Variants in EGFR observed in about 807,000 individuals in gnomAD.
EGFR encodes the protein avian erythroblastic leukemia viral (v-erb-b) oncogene homolog.
EGFR carries 58 observed loss-of-function variants against 143.0 expected under a neutral mutation model. The ratio of observed to expected loss-of-function variants is 0.41; its 90% CI spans 0.33 to 0.50. The LOEUF is 0.50. EGFR is among the 20% of genes least tolerant of loss of function. The pLI is 0.39. For synonymous variants in EGFR, 613 were observed against 594.4 expected, an observed-to-expected ratio of 1.03 and a Z score of -0.45; for missense variants, 1,307 against 1,579.0, an observed-to-expected ratio of 0.83 and a Z score of 2.92.
intron 8 of EGFR, among the ~76,000 whole-genome samples, 186 bp downstream of exon 8, chr7:55,156,132 C>T (rs886374372): frequency 6.6e-6 from 1 of 152,182 alleles, no homozygotes; most frequent in South Asian, 2.1e-4. Flanking sequence ...AAGGTTGTGA[C>T]GGGGTGGGGG....
At chr7:55,036,683 A>G (rs1174983268) in intron 1 of EGFR, among the ~76,000 whole-genome samples, 2 of 152,158 alleles carry the variant, frequency 1.3e-5, no homozygotes, top group Non-Finnish European at 1.5e-5. Flanking sequence ...TAACTAGCTA[A>G]AAGATCTCTT....
chr7:55,127,664 G>C (rs1793608744), intron 1 of EGFR, among the ~76,000 whole-genome samples: 1 of 152,140 alleles, frequency 6.6e-6, no homozygotes, highest in South Asian at 2.1e-4. Flanking sequence ...AATCCTTTCT[G>C]CCGCCAACAC....
intron 1 of EGFR, among the ~76,000 whole-genome samples, chr7:55,085,980 C>T (rs1416080130): frequency 6.6e-6 from 1 of 152,168 alleles, no homozygotes; most frequent in Admixed American, 6.5e-5. Context: ...ATCCCCACCC[C>T]CTAGAAGCCC....
At position 55,125,986 on chromosome 7, in the gene EGFR, G is replaced by A. The variant is rs141245011; in HGVS notation, c.89-16300G>A. Among the ~76,000 whole-genome samples, 795 of 152,242 alleles carry A rather than the reference G, an allele frequency of 5.2e-3. 4 individuals carry two copies. The highest frequency in any genetic ancestry group is 9.3e-3 in the Admixed American group (143 of 15,304). Reference sequence around the variant, plus strand: ...CACACTCTCAGCTTCATCTCTGCTAGGCTCTGTTCAGCCAGGCAGCCTTTC... The same window carrying A: ...CACACTCTCAGCTTCATCTCTGCTAAGCTCTGTTCAGCCAGGCAGCCTTTC... On this transcript the variant is annotated intron_variant, in intron 1 of 27. Coordinates refer to ENST00000275493, the MANE Select transcript of EGFR (RefSeq NM_005228.5).
chr7:55,072,336 C>T (rs1789881777), intron 1 of EGFR, among the ~76,000 whole-genome samples: 1 of 152,206 alleles, frequency 6.6e-6, no homozygotes, highest in Admixed American at 6.5e-5. Flanking sequence ...GACAAAAGCA[C>T]GTTCATCAGA....
In EGFR at chr7:55,202,599, T is replaced by G. The variant is rs1051476261; in HGVS notation, c.3245T>G (p.Ile1082Arg). ...DPTGALTEDS[I>R]DDTFLPVPEY... Reference sequence around the variant, plus strand: ...ACAGGCGCCTTGACTGAGGACAGCATAGACGACACCTTCCTCCCAGTGCCT... The same window carrying G: ...ACAGGCGCCTTGACTGAGGACAGCAGAGACGACACCTTCCTCCCAGTGCCT... The change falls in exon 27 of 28, where the codon ATA becomes AGA. Residue 1082 changes from isoleucine (I) to arginine (R), a missense_variant. By Grantham distance (97) the Ile-to-Arg change is moderately conservative. Coordinates refer to ENST00000275493, the MANE Select transcript of EGFR (RefSeq NM_005228.5). 1 of 1,613,456 alleles carries G rather than the reference T, an allele frequency of 6.2e-7. No individual in the cohort carries two copies. Among genetic ancestry groups the G allele is most frequent in the Admixed American group, 1.7e-5 (1 of 59,982 alleles).
At chr7:55,041,210 C>T (rs529186643) in intron 1 of EGFR, among the ~76,000 whole-genome samples, 6 of 152,268 alleles carry the variant, frequency 3.9e-5, no homozygotes, top group South Asian at 4.2e-4. Context: ...GTCAGGAGTT[C>T]GAGACCAGCC....
chr7:55,061,286 G>A (rs1789149992), intron 1 of EGFR, among the ~76,000 whole-genome samples: 1 of 152,146 alleles, frequency 6.6e-6, no homozygotes, highest in African/African-American at 2.4e-5. Flanking sequence ...AAGGCTCCAG[G>A]CCTTCACAAA....
At chr7:55,137,825 G>T (rs2128923794) in intron 1 of EGFR, among the ~76,000 whole-genome samples, 1 of 152,306 alleles carries the variant, frequency 6.6e-6, no homozygotes, top group East Asian at 1.9e-4. Context: ...TGGTGTATGG[G>T]GGCAGGGATC....
rs199738264 is a variant in EGFR at position 55,205,367 on chromosome 7, C to G, written c.3383C>G (p.Pro1128Arg). ...APSRDPHYQDPHSTAVGNPEY... is the reference protein window; with the variant it reads ...APSRDPHYQDRHSTAVGNPEY... ...AGCAGAGACCCACACTACCAGGACC[C>G]CCACAGCACTGCAGTGGGCAACCCC... is the stretch of plus-strand genomic sequence containing the variant. Residue 1128 changes from proline (P) to arginine (R), a missense_variant, in exon 28 of 28, where the codon CCC becomes CGC. This residue lies in a region of EGFR where 313 missense variants were observed against 312.3 expected (regional missense o/e 1.00). Transcript: ENST00000275493. The G allele has an allele frequency of 6.2e-7, 1 of 1,613,850 alleles. No homozygotes were observed. The highest frequency in any genetic ancestry group is 1.3e-5 in the African/African-American group (1 of 75,038).
rs2128964468 is a variant in EGFR at position 55,191,760 on chromosome 7, C to T, written c.2511C>T (p.Asp837=). 1 of 1,614,008 alleles carries T rather than the reference C, an allele frequency of 6.2e-7. No homozygotes were observed. The highest frequency in any genetic ancestry group is 1.1e-5 in the South Asian group (1 of 91,078). ...AGGACCGTCGCTTGGTGCACCGCGACCTGGCAGCCAGGAACGTACTGGTGA... is the reference window on the plus strand; with the variant it reads ...AGGACCGTCGCTTGGTGCACCGCGATCTGGCAGCCAGGAACGTACTGGTGA... ...YLEDRRLVHR[D]LAARNVLVKT... Residue 837 remains aspartate, a synonymous_variant, in exon 21 of 28, where the codon GAC becomes GAT. Coordinates refer to ENST00000275493, the MANE Select transcript of EGFR (RefSeq NM_005228.5).
chr7:55,035,181 T>C (rs1787486004), intron 1 of EGFR, among the ~76,000 whole-genome samples: 1 of 152,206 alleles, frequency 6.6e-6, no homozygotes, highest in Non-Finnish European at 1.5e-5. Context: ...CAGGGAAAAC[T>C]GTGTGGTTAG....
chr7:55,150,721 G>T (rs925282187), intron 4 of EGFR, among the ~76,000 whole-genome samples: 1 of 152,188 alleles, frequency 6.6e-6, no homozygotes, highest in Non-Finnish European at 1.5e-5. Flanking sequence ...TATAAAAACT[G>T]CAAAAATTGA....
chr7:55,028,611 T>C (rs899509889), intron 1 of EGFR, among the ~76,000 whole-genome samples: 1 of 152,244 alleles, frequency 6.6e-6, no homozygotes, highest in African/African-American at 2.4e-5. Flanking sequence ...ATCTCCTAGT[T>C]CATTCTCATA....
intron 13 of EGFR, 129 bp from the exon 14 acceptor site, chr7:55,163,604 A>C: frequency 2.6e-6 from 2 of 759,578 alleles, no homozygotes; most frequent in South Asian, 2.9e-5. Context: ...TGATTATATT[A>C]CTATATAGTC....
intron 1 of EGFR, among the ~76,000 whole-genome samples, chr7:55,026,222 A>T (rs1254123749): frequency 6.6e-6 from 1 of 151,876 alleles, no homozygotes; most frequent in Non-Finnish European, 1.5e-5. Context: ...TTGCTCTCAG[A>T]CCCCCATTTC....
At chr7:55,115,758 C>T (rs994169853) in intron 1 of EGFR, among the ~76,000 whole-genome samples, 2 of 152,162 alleles carry the variant, frequency 1.3e-5, no homozygotes, top group South Asian at 2.1e-4. Context: ...CAGCCAATGC[C>T]GTCATACAGT....
intron 11 of EGFR, among the ~76,000 whole-genome samples, chr7:55,158,040 A>C (rs1472277812): frequency 1.3e-5 from 2 of 152,088 alleles, no homozygotes; most frequent in Non-Finnish European, 2.9e-5. Flanking sequence ...TCCATTTCTA[A>C]CCTATATTAG....
At chr7:55,019,601 G>C (rs1486217171) in intron 1 of EGFR, among the ~76,000 whole-genome samples, 2 of 152,088 alleles carry the variant, frequency 1.3e-5, no homozygotes, top group Non-Finnish European at 2.9e-5. Context: ...ACACCGGGCT[G>C]CAGGCCAGGC....
Sources: gnomAD v4.1 joint callset for allele counts (sites outside exome capture counted in the v4.1 genomes callset) on GRCh38, gnomAD v4.1.1 for gene constraint, gnomAD v4.1.1 regional missense constraint, MANE v1.5 for transcripts, NCBI Gene and HGNC (gene_info 2026-07-23, HGNC 2026-07-21) for gene names.